ZDHHC21: variants seen among roughly 807,000 people sequenced by gnomAD.
The protein encoded by ZDHHC21 is zDHHC palmitoyltransferase 21, also known as palmitoyltransferase ZDHHC21.
A neutral mutation model predicts 34.6 loss-of-function variants in ZDHHC21; 15 were observed. That is an observed-to-expected ratio of 0.43 (90% CI 0.29 to 0.67). The LOEUF is 0.67. ZDHHC21 is among the 30% of genes least tolerant of loss of function. ZDHHC21 has a pLI of 0.14. For synonymous variants in ZDHHC21, 142 were observed against 101.8 expected, an observed-to-expected ratio of 1.40 and a Z score of -2.38; for missense variants, 344 against 327.7, an observed-to-expected ratio of 1.05 and a Z score of -0.38.
the ZDHHC21 span, among the ~76,000 whole-genome samples, chr9:14,594,463 C>T: frequency 6.6e-6 from 1 of 152,134 alleles, no homozygotes; most frequent in Non-Finnish European, 1.5e-5. Context: ...GAAAGACAGT[C>T]TTTTCAGCCA....
intron 6 of ZDHHC21, among the ~76,000 whole-genome samples, chr9:14,659,253 C>T (rs1335842383): frequency 6.6e-6 from 1 of 152,084 alleles, no homozygotes; most frequent in Non-Finnish European, 1.5e-5. Context: ...AGAGCAAGAA[C>T]CCTGCTTCCC....
chr9:14,595,512 G>A, the ZDHHC21 span, among the ~76,000 whole-genome samples: 1 of 152,148 alleles, frequency 6.6e-6, no homozygotes, highest in African/African-American at 2.4e-5. Context: ...TCTTTCTAAG[G>A]TGATGGAAAT....
At chr9:14,627,580 G>T (rs886129900) in intron 8 of ZDHHC21, among the ~76,000 whole-genome samples, 3 of 152,036 alleles carry the variant, frequency 2.0e-5, no homozygotes, top group African/African-American at 4.8e-5. Flanking sequence ...AAAATCTCCA[G>T]AGACATCATC....
At chr9:14,602,131 G>T in the ZDHHC21 span, among the ~76,000 whole-genome samples, 2 of 151,586 alleles carry the variant, frequency 1.3e-5, no homozygotes, top group Non-Finnish European at 2.9e-5. Context: ...ATGCATCCCA[G>T]AACTTAAAGT....
At chr9:14,621,675 T>C (rs1365605608) in intron 8 of ZDHHC21, among the ~76,000 whole-genome samples, 2 of 152,108 alleles carry the variant, frequency 1.3e-5, no homozygotes, top group Non-Finnish European at 2.9e-5. Context: ...GTACAATTTG[T>C]ATTTTAGCAA....
At chr9:14,629,934 T>G (rs2133567700) in intron 8 of ZDHHC21, among the ~76,000 whole-genome samples, 1 of 152,244 alleles carries the variant, frequency 6.6e-6, no homozygotes, top group East Asian at 1.9e-4. Context: ...TAGTCCCAGC[T>G]ACTTGGGAGG....
intron 1 of ZDHHC21, among the ~76,000 whole-genome samples, chr9:14,691,731 G>A (rs1247468863): frequency 3.9e-5 from 6 of 152,140 alleles, no homozygotes; most frequent in African/African-American, 1.4e-4. Context: ...GGATCTAATA[G>A]AATTGTTTCC....
chr9:14,624,441 T>C (rs1466778360), intron 8 of ZDHHC21, among the ~76,000 whole-genome samples: 1 of 152,010 alleles, frequency 6.6e-6, no homozygotes, highest in African/African-American at 2.4e-5. Context: ...AGCAGATGAA[T>C]AAAGTAAATA....
chr9:14,599,975 T>C, the ZDHHC21 span, among the ~76,000 whole-genome samples: 2 of 152,156 alleles, frequency 1.3e-5, no homozygotes, highest in Non-Finnish European at 2.9e-5. Flanking sequence ...CTAAAAACTC[T>C]CAACAAACTA....
At chr9:14,675,683 G>C (rs559264827) in intron 3 of ZDHHC21, among the ~76,000 whole-genome samples, 1 of 151,918 alleles carries the variant, frequency 6.6e-6, no homozygotes, top group Non-Finnish European at 1.5e-5. Context: ...TTTGCTTAAA[G>C]GAACAGTCTA....
chr9:14,610,270 T>C (rs112816376), downstream of ZDHHC21, among the ~76,000 whole-genome samples: 10,220 of 151,928 alleles, frequency 0.067, 1,125 homozygotes, highest in African/African-American at 0.23. Flanking sequence ...TTGTAACTTA[T>C]CATCACTAAG....
In ZDHHC21 at chr9:14,615,283, T is replaced by C. The variant is rs1823971372; in HGVS notation, c.*3683A>G. On this transcript the variant is annotated 3_prime_UTR_variant, in exon 10 of 10. Coordinates refer to ENST00000380916, the MANE Select transcript of ZDHHC21 (RefSeq NM_178566.6). ...GTTACTTGTATGGGAGTGACTTGAA[T>C]GTGTAACAAAGAATAGTTATCATTA... 1 of 151,680 alleles carries C rather than the reference T, an allele frequency of 6.6e-6. No individual in the cohort carries two copies. Among genetic ancestry groups the C allele is most frequent in the African/African-American group, 2.4e-5 (1 of 41,400 alleles). 9.4% of individuals were successfully genotyped at this position (151,680 alleles called of 1,614,324 possible).
chr9:14,684,398 T>TA (rs1162691273), intron 2 of ZDHHC21, among the ~76,000 whole-genome samples: 2 of 149,330 alleles, frequency 1.3e-5, no homozygotes, highest in African/African-American at 2.5e-5. Context: ...AGCATTCTTA[T>TA]ACACCAACAA....
chr9:14,615,654 G>A lies in ZDHHC21; in HGVS notation c.*3312C>T, dbSNP rs1024632692. 2.0e-5 allele frequency: 3 copies of A among 151,524 alleles called. 1 individual carries two copies. The highest frequency in any genetic ancestry group is 7.3e-5 in the African/African-American group (3 of 41,340). 9.4% of individuals were successfully genotyped at this position (151,524 alleles called of 1,614,324 possible). A position where few individuals can be genotyped will look rare whatever the true frequency, so the allele number is the denominator to read the frequency against. ...GAATGCCTACTGCTTGAAGGGTCCTGAACTCAGTCCATTTTTGCCTACAAT... is the reference window on the plus strand; with the variant it reads ...GAATGCCTACTGCTTGAAGGGTCCTAAACTCAGTCCATTTTTGCCTACAAT... On this transcript the variant is annotated 3_prime_UTR_variant, in exon 10 of 10. Transcript: ENST00000380916.
intron 7 of ZDHHC21, among the ~76,000 whole-genome samples, chr9:14,651,399 T>C (rs932869381): frequency 3.3e-5 from 5 of 151,846 alleles, no homozygotes; most frequent in Non-Finnish European, 7.4e-5. Flanking sequence ...TAGGATTTAG[T>C]AATAGCAAGC....
intron 8 of ZDHHC21, among the ~76,000 whole-genome samples, chr9:14,626,873 A>G (rs772279380): frequency 2.0e-5 from 3 of 152,110 alleles, no homozygotes; most frequent in Non-Finnish European, 2.9e-5. Context: ...AATCTTTCAT[A>G]TAATATTACA....
Position 14,658,903 on chromosome 9 carries a change from G to C in ZDHHC21, c.366-16C>G, listed in dbSNP as rs1457272795. 6.3e-7 allele frequency: 1 copy of C among 1,591,594 alleles called. No homozygotes were observed. Among genetic ancestry groups the C allele is most frequent in the East Asian group, 2.2e-5 (1 of 44,706 alleles). ...ATTGTTAATCCTAAAGAAAAAAAATGAAAAAGAAACAATATTTTAAATTTC... is the reference window on the plus strand; with the variant it reads ...ATTGTTAATCCTAAAGAAAAAAAATCAAAAAGAAACAATATTTTAAATTTC... On this transcript the variant is annotated splice_polypyrimidine_tract_variant and intron_variant, in intron 6 of 9. Transcript: ENST00000380916.
At chr9:14,688,944 T>A (rs1332998407) in intron 2 of ZDHHC21, among the ~76,000 whole-genome samples, 3 of 151,776 alleles carry the variant, frequency 2.0e-5, no homozygotes, top group African/African-American at 4.8e-5. Context: ...ATTGGGAGGC[T>A]GAAGTGGGAG....
rs569435963 is a variant in ZDHHC21 at position 14,619,694 on chromosome 9, A to T, written c.622-12T>A. 1.5e-6 allele frequency: 2 copies of T among 1,313,666 alleles called. No individual in the cohort carries two copies. Among genetic ancestry groups the T allele is most frequent in the Non-Finnish European group, 2.1e-6 (2 of 952,096 alleles). The allele number at this position is 1,313,666 out of a possible 1,614,324, so 81.4% of individuals were successfully genotyped here. On this transcript the variant is annotated splice_polypyrimidine_tract_variant and intron_variant, in intron 8 of 9. Coordinates refer to ENST00000380916, the MANE Select transcript of ZDHHC21 (RefSeq NM_178566.6). ...ATAGATGTTGTATCCTATTAAAAAT[A>T]AAAAATTATATTCAGATGTAAGAAA...
Sources: allele counts gnomAD v4.1 joint callset (sites outside exome capture counted in the v4.1 genomes callset), GRCh38; gene constraint gnomAD v4.1.1; transcripts MANE v1.5; gene names NCBI Gene and HGNC (gene_info 2026-07-23, HGNC 2026-07-21).